MFSD11: variants seen among roughly 807,000 people sequenced by gnomAD.
The protein encoded by MFSD11 is major facilitator superfamily domain containing 11.
A neutral mutation model predicts 53.5 loss-of-function variants in MFSD11; 36 were observed. That is an observed-to-expected ratio of 0.67 (90% CI 0.52 to 0.89). The LOEUF is 0.89. Among genes scored for constraint, MFSD11 ranks in the 40% least tolerant of loss-of-function variants. The probability of loss-of-function intolerance (pLI) is 0.00; values close to 1 mark genes in which losing one functional copy is unlikely to be tolerated. For synonymous variants in MFSD11, 186 were observed against 184.9 expected, an observed-to-expected ratio of 1.01 and a Z score of -0.05; for missense variants, 530 against 543.9, an observed-to-expected ratio of 0.97 and a Z score of 0.25.
the MFSD11 span, among the ~76,000 whole-genome samples, chr17:76,802,504 C>T: frequency 3.3e-5 from 5 of 152,236 alleles, no homozygotes; most frequent in East Asian, 1.9e-4. Context: ...TTGAGTGTTC[C>T]GAGCAGCGTT....
intron 10 of MFSD11, among the ~76,000 whole-genome samples, chr17:76,772,506 C>T (rs961142939): frequency 1.3e-5 from 2 of 150,380 alleles, no homozygotes; most frequent in African/African-American, 4.9e-5. Context: ...AACGCTCTAC[C>T]TTAGTAACTT....
Position 76,738,310 on chromosome 17 carries a change from G to A in MFSD11, c.-43G>A, listed in dbSNP as rs766850940. ...TGTCAGTGGCTTCGCCCCGAGGAGA[G>A]CTGACTGCCCTGGGCTGCTGCCTCC... On this transcript the variant is annotated 5_prime_UTR_variant, in exon 1 of 13. Transcript: ENST00000685175. The A allele has an allele frequency of 7.3e-7, 1 of 1,369,036 alleles. No individual in the cohort carries two copies. The highest frequency in any genetic ancestry group is 2.3e-5 in the East Asian group (1 of 43,488). The allele number at this position is 1,369,036 out of a possible 1,614,324, so 84.8% of individuals were successfully genotyped here.
At chr17:76,760,640 C>G (rs1380446735) in intron 8 of MFSD11, among the ~76,000 whole-genome samples, 1 of 151,880 alleles carries the variant, frequency 6.6e-6, no homozygotes, top group Non-Finnish European at 1.5e-5. Context: ...AAGGGATTCT[C>G]CTGCCTCAGG....
chr17:76,777,127 G>T (rs2081912829), intron 12 of MFSD11, among the ~76,000 whole-genome samples: 1 of 152,130 alleles, frequency 6.6e-6, no homozygotes, highest in South Asian at 2.1e-4. Context: ...AATTAGCCGG[G>T]CGTGGTGGCA....
At chr17:76,785,668 G>A (rs1190661606), downstream of MFSD11, among the ~76,000 whole-genome samples, 1 of 152,114 alleles carries the variant, frequency 6.6e-6, no homozygotes. Flanking sequence ...AGTTTCTGTT[G>A]TGCAAGATGA....
At chr17:76,738,626 G>A in intron 1 of MFSD11, 178 bp downstream of exon 1, 1 of 614,502 alleles carries the variant, frequency 1.6e-6, no homozygotes, top group South Asian at 2.1e-5. Context: ...TTTCTCATGG[G>A]GGCGTTAAGC....
chr17:76,760,122 G>A (rs2080067277), intron 8 of MFSD11, among the ~76,000 whole-genome samples: 1 of 150,988 alleles, frequency 6.6e-6, no homozygotes, highest in Non-Finnish European at 1.5e-5. Flanking sequence ...ACAAAAATTA[G>A]CCAGGCGTGG....
chr17:76,791,728 A>G, the MFSD11 span, among the ~76,000 whole-genome samples: 4,215 of 148,778 alleles, frequency 0.028, 517 homozygotes, highest in African/African-American at 0.099. Flanking sequence ...ACTAAAGAAC[A>G]TTGCCTTGGC....
At chr17:76,764,946 T>C (rs1453774988) in intron 8 of MFSD11, among the ~76,000 whole-genome samples, 1 of 152,218 alleles carries the variant, frequency 6.6e-6, no homozygotes, top group Non-Finnish European at 1.5e-5. Flanking sequence ...TTTTGTCTTT[T>C]TGATAATAGC....
At chr17:76,754,145 C>G in intron 8 of MFSD11, 58 bp downstream of exon 8, 1 of 1,432,232 alleles carries the variant, frequency 7.0e-7, no homozygotes. Context: ...CGGCATTTGC[C>G]TTTCCCCTAT....
intron 10 of MFSD11, among the ~76,000 whole-genome samples, chr17:76,774,145 C>T (rs952121337): frequency 2.6e-5 from 4 of 152,144 alleles, no homozygotes; most frequent in East Asian, 1.9e-4. Flanking sequence ...AGGCTGGTCT[C>T]GAACTCCTGA....
the MFSD11 span, among the ~76,000 whole-genome samples, chr17:76,794,196 C>G: frequency 6.6e-6 from 1 of 151,346 alleles, no homozygotes; most frequent in Non-Finnish European, 1.5e-5. Context: ...TTAAAAATCT[C>G]ATCTGGGCTG....
intron 11 of MFSD11, 85 bp downstream of exon 11, chr17:76,775,256 C>T (rs1384454089): frequency 7.8e-7 from 1 of 1,274,730 alleles, no homozygotes; most frequent in East Asian, 2.4e-5. Context: ...GCAGTTAATC[C>T]TCTTCAGAGA....
At chr17:76,796,121 T>C in the MFSD11 span, among the ~76,000 whole-genome samples, 1 of 152,236 alleles carries the variant, frequency 6.6e-6, no homozygotes, top group Non-Finnish European at 1.5e-5. Flanking sequence ...ATTTTATTCT[T>C]GTTTCATGAA....
chr17:76,777,725 T>G (rs1202127980), intron 12 of MFSD11, among the ~76,000 whole-genome samples: 2 of 152,338 alleles, frequency 1.3e-5, no homozygotes, highest in African/African-American at 4.8e-5. Flanking sequence ...TCTATGGCTC[T>G]GATTAGAGAT....
At chr17:76,743,589 C>G (rs532023269) in intron 6 of MFSD11, 133 bp downstream of exon 6, 1 of 500,622 alleles carries the variant, frequency 2.0e-6, no homozygotes, top group Non-Finnish European at 3.5e-6. Context: ...CAGATTTTAG[C>G]TTTTAGTAAG....
At chr17:76,737,659 C>T (rs2077606723), upstream of MFSD11, 1 of 189,950 alleles carries the variant, frequency 5.3e-6, no homozygotes, top group South Asian at 1.5e-4. Context: ...TTTTTCATGC[C>T]AATACTCCAA....
At chr17:76,739,962 C>G (rs1000117888) in intron 2 of MFSD11, among the ~76,000 whole-genome samples, 1 of 151,332 alleles carries the variant, frequency 6.6e-6, no homozygotes, top group East Asian at 1.9e-4. Flanking sequence ...GTCAGGAGAT[C>G]TAGACCATCG....
chr17:76,746,660 C>T (rs1427271470), intron 7 of MFSD11, among the ~76,000 whole-genome samples: 1 of 152,200 alleles, frequency 6.6e-6, no homozygotes, highest in African/African-American at 2.4e-5. Context: ...ATCTACTCTG[C>T]CTGGGCTCTA....
Sources: gnomAD v4.1 joint callset for allele counts (sites outside exome capture counted in the v4.1 genomes callset) on GRCh38, gnomAD v4.1.1 for gene constraint, MANE v1.5 for transcripts, NCBI Gene and HGNC (gene_info 2026-07-23, HGNC 2026-07-21) for gene names.